The following RETREG3 variants were observed in gnomAD, a reference collection of about 807,000 sequenced individuals.
RETREG3 encodes the protein reticulophagy regulator 3.
In RETREG3, 23 loss-of-function variants were observed where a neutral mutation model predicts 50.2. That is an observed-to-expected ratio of 0.46 (90% CI 0.33 to 0.65). The LOEUF (loss-of-function observed/expected upper bound fraction) is 0.65. Ranked by LOEUF, RETREG3 falls within the 30% of genes least tolerant of loss-of-function variation. The pLI is 0.02. For synonymous variants in RETREG3, 240 were observed against 234.4 expected (o/e 1.02, Z -0.22); for missense variants, 546 against 598.0 (o/e 0.91, Z 0.91).
chr17:42,599,445 G>A (rs554003369), intron 1 of RETREG3, among the ~76,000 whole-genome samples: 15 of 151,664 alleles, frequency 9.9e-5, no homozygotes, highest in South Asian at 2.1e-4. Flanking sequence ...ACCTGAGATC[G>A]GGAGTTTGAG....
intron 1 of RETREG3, among the ~76,000 whole-genome samples, chr17:42,605,779 G>C (rs2093166778): frequency 6.6e-6 from 1 of 152,022 alleles, no homozygotes; most frequent in Non-Finnish European, 1.5e-5. Context: ...GATCACCTGA[G>C]GTCAGGAGTT....
chr17:42,591,984 C>T, intron 2 of RETREG3, 72 bp downstream of exon 2: 1 of 1,334,532 alleles, frequency 7.5e-7, no homozygotes, highest in Non-Finnish European at 1.1e-6. Context: ...TCATAAACCC[C>T]TAATACTAAA....
chr17:42,600,310 A>C (rs935701601), intron 1 of RETREG3, among the ~76,000 whole-genome samples: 2 of 152,122 alleles, frequency 1.3e-5, no homozygotes, highest in African/African-American at 4.8e-5. Context: ...TAGAGCCAGA[A>C]GGTTGAGGTT....
chr17:42,608,929 C>G lies in RETREG3; in HGVS notation c.239+157G>C. The G allele has an allele frequency of 4.3e-6, 3 of 700,440 alleles. No homozygotes were observed. In the Admixed American group the frequency reaches 8.8e-5, roughly 21 times the overall value. The allele number at this position is 700,440 out of a possible 1,614,324, so 43.4% of individuals were successfully genotyped here. A position where few individuals can be genotyped will look rare whatever the true frequency, so the allele number is the denominator to read the frequency against. ...CCTGGGAAGAACTAGGGTGCCGAAG[C>G]CTGCAGGCGGGATGGAGTGGAAGGA... On this transcript the variant is annotated intron_variant, in intron 1 of 8. Transcript: ENST00000309428.
At chr17:42,597,238 G>C (rs2093147068) in intron 1 of RETREG3, among the ~76,000 whole-genome samples, 1 of 143,154 alleles carries the variant, frequency 7.0e-6, no homozygotes, top group Non-Finnish European at 1.5e-5. Flanking sequence ...CGCCAGGCTA[G>C]AGTGCAGTGG....
intron 1 of RETREG3, among the ~76,000 whole-genome samples, chr17:42,601,893 C>G (rs570172066): frequency 3.9e-5 from 6 of 152,076 alleles, no homozygotes; most frequent in African/African-American, 1.4e-4. Flanking sequence ...CTCGGCCTCC[C>G]AAAGTGCTGA....
chr17:42,583,644 T>A, intron 6 of RETREG3, 64 bp from the exon 7 acceptor site: 1 of 1,475,510 alleles, frequency 6.8e-7, no homozygotes, highest in Non-Finnish European at 9.3e-7. Context: ...CTTTGGACTT[T>A]AAAGACATAA....
chr17:42,597,592 TATATATATATA>T (rs1567925372), intron 1 of RETREG3, among the ~76,000 whole-genome samples: 21 of 70,038 alleles, frequency 3.0e-4, no homozygotes, highest in East Asian at 1.3e-3. Context: ...TATATATATA[TATATATATATA>T]TATATATATA....
At position 42,592,049 on chromosome 17, in the gene RETREG3, A is replaced by C. The variant is rs1242828346; in HGVS notation, c.346+7T>G. On this transcript the variant is annotated splice_region_variant and intron_variant, in intron 2 of 8. Transcript: ENST00000309428. ...GTTCAGATTGTTCTAAATGCTACCAAACTCACCTTTTATTTCAGGCCAGAT... is the reference window on the plus strand; with the variant it reads ...GTTCAGATTGTTCTAAATGCTACCACACTCACCTTTTATTTCAGGCCAGAT... 1.2e-6 allele frequency: 2 copies of C among 1,609,676 alleles called. No homozygotes were observed. Among genetic ancestry groups the C allele is most frequent in the Non-Finnish European group, 1.7e-6 (2 of 1,176,968 alleles).
chr17:42,594,164 TG>T (rs1302644462), intron 1 of RETREG3, among the ~76,000 whole-genome samples: 1 of 151,966 alleles, frequency 6.6e-6, no homozygotes, highest in African/African-American at 2.4e-5. Flanking sequence ...ACCTCCAGCC[TG>T]GGTAACGGAG....
intron 2 of RETREG3, among the ~76,000 whole-genome samples, chr17:42,590,329 C>T (rs1167101013): frequency 2.0e-4 from 30 of 152,060 alleles, no homozygotes; most frequent in Admixed American, 2.0e-3. Context: ...TATGATCATG[C>T]CACTGTACTC....
At chr17:42,595,024 T>C (rs2093141273) in intron 1 of RETREG3, among the ~76,000 whole-genome samples, 1 of 141,710 alleles carries the variant, frequency 7.1e-6, no homozygotes, top group Admixed American at 7.3e-5. Flanking sequence ...TGGAGTGCAA[T>C]GGCGCGATCT....
At chr17:42,587,265 T>A (rs1480380827) in intron 3 of RETREG3, among the ~76,000 whole-genome samples, 1 of 152,172 alleles carries the variant, frequency 6.6e-6, no homozygotes, top group African/African-American at 2.4e-5. Flanking sequence ...CCACTGCTGC[T>A]AAGGGGGAGG....
chr17:42,596,242 C>T (rs2093144179), intron 1 of RETREG3, among the ~76,000 whole-genome samples: 1 of 150,590 alleles, frequency 6.6e-6, no homozygotes, highest in Non-Finnish European at 1.5e-5. Context: ...TATGGTGATG[C>T]AAACCTGTAG....
At chr17:42,594,000 C>T (rs559984955) in intron 1 of RETREG3, among the ~76,000 whole-genome samples, 11 of 152,114 alleles carry the variant, frequency 7.2e-5, no homozygotes, top group African/African-American at 2.2e-4. Flanking sequence ...AGACAAGCCT[C>T]GGCAACATGG....
In RETREG3 at chr17:42,592,086, A is replaced by G; in HGVS notation, c.316T>C (p.Trp106Arg). ...ATTTCAGGCCAGATTTTGTTCTTCC[A>G]TTGATCAATACACACAATGATCATC... The part of the protein sequence containing the change: ...GLMIIVCIDQ[W>R]KNKIWPEIKV... Residue 106 changes from tryptophan (W) to arginine (R), a missense_variant, in exon 2 of 9, where the codon TGG becomes CGG. Trp to Arg is a moderately radical substitution (Grantham distance 101, BLOSUM62 -3). Coordinates refer to ENST00000309428, the MANE Select transcript of RETREG3 (RefSeq NM_178126.4). The G allele has an allele frequency of 6.2e-7, 1 of 1,613,416 alleles. No homozygotes were observed. The highest frequency in any genetic ancestry group is 8.5e-7 in the Non-Finnish European group (1 of 1,179,736).
intron 2 of RETREG3, among the ~76,000 whole-genome samples, chr17:42,589,886 C>T (rs954288721): frequency 1.3e-5 from 2 of 152,182 alleles, no homozygotes; most frequent in African/African-American, 2.4e-5. Flanking sequence ...TCCATGTGGT[C>T]CTAAAAATGC....
intron 1 of RETREG3, among the ~76,000 whole-genome samples, chr17:42,603,205 C>A (rs904815188): frequency 5.3e-5 from 8 of 152,102 alleles, no homozygotes; most frequent in Non-Finnish European, 1.0e-4. Context: ...TTAACTATAC[C>A]ATGGAGCCTC....
At chr17:42,600,390 A>G (rs2093156359) in intron 1 of RETREG3, among the ~76,000 whole-genome samples, 1 of 152,214 alleles carries the variant, frequency 6.6e-6, no homozygotes, top group African/African-American at 2.4e-5. Flanking sequence ...TCGAAAAGAA[A>G]AAAAAAAGTA....
Sources: gnomAD v4.1 joint callset for allele counts (sites outside exome capture counted in the v4.1 genomes callset) on GRCh38, gnomAD v4.1.1 for gene constraint, MANE v1.5 for transcripts, NCBI Gene and HGNC (gene_info 2026-07-23, HGNC 2026-07-21) for gene names.